Variants in OTUD7A observed in about 807,000 individuals in gnomAD.
The protein encoded by OTUD7A is OTU domain-containing protein 7A.
In OTUD7A, 12 loss-of-function variants were observed where a neutral mutation model predicts 65.7. The ratio of observed to expected loss-of-function variants is 0.18; its 90% CI spans 0.12 to 0.30. OTUD7A has a LOEUF of 0.30. OTUD7A is among the 10% of genes least tolerant of loss of function. OTUD7A has a pLI of 1.00. For synonymous variants in OTUD7A, 641 were observed against 586.3 expected (o/e 1.09, Z -1.35); for missense variants, 1,148 against 1,304.8 (o/e 0.88, Z 1.85).
At chr15:31,657,766 C>T (rs933129671) in intron 1 of OTUD7A, among the ~76,000 whole-genome samples, 1 of 152,168 alleles carries the variant, frequency 6.6e-6, no homozygotes, top group African/African-American at 2.4e-5. Context: ...CATTTGACCC[C>T]AGCTACCTGG....
At chr15:31,555,850 C>CTTTTTTTTTTTTA (rs749746123) in intron 5 of OTUD7A, 1 of 95,344 alleles carries the variant, frequency 1.0e-5, no homozygotes, top group Non-Finnish European at 1.9e-5. Flanking sequence ...TGTTCTTTTT[C>CTTTTTTTTTTTTA]TTTTTTTTTT....
rs1334189252 is a variant in OTUD7A at position 31,766,890 on chromosome 15, C to T, written c.-100+103617G>A. 16 of 1,609,980 alleles carry T rather than the reference C, an allele frequency of 9.9e-6. No homozygotes were observed. In the Admixed American group the frequency reaches 2.7e-4, roughly 27 times the overall value. On this transcript the variant is annotated intron_variant, in intron 1 of 12. Coordinates refer to ENST00000307050, the MANE Select transcript of OTUD7A (RefSeq NM_001382637.1). ...CACTGGATGCCTCTTTACTTGAATTCCCTGACACATCTACAATTCCTTCCA... is the reference window on the plus strand; with the variant it reads ...CACTGGATGCCTCTTTACTTGAATTTCCTGACACATCTACAATTCCTTCCA...
intron 8 of OTUD7A, among the ~76,000 whole-genome samples, chr15:31,518,685 TCTC>T (rs1487124528): frequency 5.3e-5 from 8 of 152,158 alleles, no homozygotes; most frequent in Non-Finnish European, 1.0e-4. Context: ...GGTGCAAGGT[TCTC>T]CTCATGCACA....
At chr15:31,734,518 C>T (rs748206109) in intron 1 of OTUD7A, among the ~76,000 whole-genome samples, 1 of 152,138 alleles carries the variant, frequency 6.6e-6, no homozygotes, top group Non-Finnish European at 1.5e-5. Flanking sequence ...TACAGGGCTA[C>T]GGTAGCCAAA....
intron 1 of OTUD7A, among the ~76,000 whole-genome samples, chr15:31,784,473 T>A (rs1023764254): frequency 1.3e-5 from 2 of 152,216 alleles, no homozygotes; most frequent in Non-Finnish European, 2.9e-5. Flanking sequence ...ATATTTTTTG[T>A]TTTTGAAAAA....
At chr15:31,612,022 C>T (rs1890439681) in intron 3 of OTUD7A, among the ~76,000 whole-genome samples, 1 of 152,232 alleles carries the variant, frequency 6.6e-6, no homozygotes, top group South Asian at 2.1e-4. Flanking sequence ...ATGTGATACA[C>T]CACATAAACA....
At chr15:31,586,000 A>C (rs1889523790) in intron 3 of OTUD7A, among the ~76,000 whole-genome samples, 1 of 152,232 alleles carries the variant, frequency 6.6e-6, no homozygotes, top group Admixed American at 6.5e-5. Context: ...GTATACATTA[A>C]AATAGAAGAA....
chr15:31,483,829 G>A lies in OTUD7A; in HGVS notation c.2267C>T (p.Ala756Val). 1 of 989,936 alleles carries A rather than the reference G, an allele frequency of 1.0e-6. No homozygotes were observed. Among genetic ancestry groups the A allele is most frequent in the Non-Finnish European group, 1.2e-6 (1 of 834,476 alleles). The allele number at this position is 989,936 out of a possible 1,614,324, so 61.3% of individuals were successfully genotyped here. A position where few individuals can be genotyped will look rare whatever the true frequency, so the allele number is the denominator to read the frequency against. ...AGGTASPGGG[A>V]RRASASGPVP... ...TGGTCCGCTGGCGCTCGCACGCCGC[G>A]CGCCTCCCCCCGGGGAGGCCGTGCC... Residue 756 changes from alanine (A) to valine (V), a missense_variant, in exon 13 of 13, where the codon GCG becomes GTG. By Grantham distance (64) the Ala-to-Val change is moderately conservative. Transcript: ENST00000307050.
At chr15:31,670,562 A>C (rs1254554011) in intron 1 of OTUD7A, among the ~76,000 whole-genome samples, 1 of 152,178 alleles carries the variant, frequency 6.6e-6, no homozygotes, top group African/African-American at 2.4e-5. Context: ...TATGTTTGTT[A>C]GCCACCTAAA....
chr15:31,779,081 G>C (rs1386408645), intron 1 of OTUD7A, among the ~76,000 whole-genome samples: 1 of 152,148 alleles, frequency 6.6e-6, no homozygotes, highest in Non-Finnish European at 1.5e-5. Flanking sequence ...CCACAGCAGA[G>C]CTTGGGTCAC....
At chr15:31,490,170 C>T (rs183386599) in intron 10 of OTUD7A, among the ~76,000 whole-genome samples, 1 of 152,360 alleles carries the variant, frequency 6.6e-6, no homozygotes, top group Non-Finnish European at 1.5e-5. Flanking sequence ...CCTGACATTT[C>T]CCTATTGGAA....
intron 3 of OTUD7A, among the ~76,000 whole-genome samples, chr15:31,635,982 C>T (rs954827578): frequency 1.3e-5 from 2 of 152,228 alleles, no homozygotes; most frequent in African/African-American, 4.8e-5. Context: ...CACCTTATCC[C>T]AGACGCCAGG....
At chr15:31,514,397 G>C (rs556781051) in intron 8 of OTUD7A, among the ~76,000 whole-genome samples, 1 of 152,072 alleles carries the variant, frequency 6.6e-6, no homozygotes, top group East Asian at 1.9e-4. Context: ...GCAAAAAGAT[G>C]GTTCAAGTTC....
intron 1 of OTUD7A, among the ~76,000 whole-genome samples, chr15:31,669,481 C>G (rs996094746): frequency 6.6e-6 from 1 of 152,182 alleles, no homozygotes; most frequent in South Asian, 2.1e-4. Flanking sequence ...TCCGAAGGGC[C>G]GGTCTTCTCC....
intron 8 of OTUD7A, among the ~76,000 whole-genome samples, chr15:31,510,590 T>C (rs1173182027): frequency 1.6e-4 from 13 of 80,070 alleles, no homozygotes; most frequent in African/African-American, 5.4e-4. Context: ...AACATACATA[T>C]GTATATCTAT....
chr15:31,798,219 G>C (rs1233191271), intron 1 of OTUD7A, among the ~76,000 whole-genome samples: 4 of 152,124 alleles, frequency 2.6e-5, no homozygotes, highest in Non-Finnish European at 5.9e-5. Context: ...GGGGGTGGGG[G>C]TCCCAATTTA....
chr15:31,484,043 T>C lies in OTUD7A; in HGVS notation c.2053A>G (p.Thr685Ala), dbSNP rs761314604. 1.5e-6 allele frequency: 2 copies of C among 1,304,994 alleles called. No homozygotes were observed. The highest frequency in any genetic ancestry group is 9.8e-7 in the Non-Finnish European group (1 of 1,023,710). The allele number at this position is 1,304,994 out of a possible 1,614,324, so 80.8% of individuals were successfully genotyped here. Residue 685 changes from threonine to alanine, a missense_variant, in exon 13 of 13, where the codon ACT (threonine) becomes GCT (alanine). Around this residue, in one of 6 missense-constraint regions of OTUD7A, gnomAD observed 842 missense variants for 769.5 expected, o/e 1.09. Transcript: ENST00000307050. This position sits in a 1 kb window ranked among gnomAD's most constrained non-coding sequence, Gnocchi z 4.5. ...EQEQRRRDAA[T>A]AAAAAAAAAA... ...GCGGCGGCGGCAGCGGCGGCCGCAGTAGCGGCGTCGCGGCGCCGCTGCTCC... is the reference window on the plus strand; with the variant it reads ...GCGGCGGCGGCAGCGGCGGCCGCAGCAGCGGCGTCGCGGCGCCGCTGCTCC...
intron 3 of OTUD7A, among the ~76,000 whole-genome samples, chr15:31,610,615 A>ATTTTTTTTTT (rs1336235314): frequency 4.6e-4 from 15 of 32,820 alleles, no homozygotes; most frequent in African/African-American, 5.8e-4. Flanking sequence ...ATATATATAT[A>ATTTTTTTTTT]TATTTTTTTT....
chr15:31,657,006 G>A lies in OTUD7A; in HGVS notation c.-28C>T, dbSNP rs563246556. The A allele has an allele frequency of 6.5e-6, 1 of 152,800 alleles. No individual in the cohort carries two copies. The highest frequency in any genetic ancestry group is 1.9e-4 in the East Asian group (1 of 5,184). The allele number at this position is 152,800 out of a possible 1,614,324, so 9.5% of individuals were successfully genotyped here. A position where few individuals can be genotyped will look rare whatever the true frequency, so the allele number is the denominator to read the frequency against. On this transcript the variant is annotated 5_prime_UTR_variant, in exon 2 of 13. Coordinates refer to ENST00000307050, the MANE Select transcript of OTUD7A (RefSeq NM_001382637.1). Reference sequence around the variant, plus strand: ...ACCTGATGTATATGGTACCAATTAGGAAATTGATTTCTTCCTTCTCTCCAT... The same window carrying A: ...ACCTGATGTATATGGTACCAATTAGAAAATTGATTTCTTCCTTCTCTCCAT...
Sources: gnomAD v4.1 joint callset for allele counts (sites outside exome capture counted in the v4.1 genomes callset) on GRCh38, gnomAD v4.1.1 for gene constraint, gnomAD v4.1.1 regional missense constraint, Gnocchi (gnomAD v3.1) non-coding constraint, MANE v1.5 for transcripts, NCBI Gene and HGNC (gene_info 2026-07-23, HGNC 2026-07-21) for gene names.